Variants in PTPN2 observed in about 807,000 individuals in gnomAD.
PTPN2 encodes tyrosine-protein phosphatase non-receptor type 2.
Under a neutral mutation model 57.3 loss-of-function variants are expected in PTPN2, and 19 were observed. That is an observed-to-expected ratio of 0.33 (90% CI 0.23 to 0.49). PTPN2 has a LOEUF of 0.49. Ranked by LOEUF, PTPN2 falls within the 20% of genes least tolerant of loss-of-function variation. The pLI is 0.99. For missense variants in PTPN2, 358 were observed against 501.1 expected (o/e 0.71, Z 2.73); for synonymous variants, 153 against 164.9 (o/e 0.93, Z 0.55).
chr18:12,879,793 T>C (rs1047831023), intron 1 of PTPN2, among the ~76,000 whole-genome samples: 15 of 152,218 alleles, frequency 9.9e-5, no homozygotes, highest in African/African-American at 2.9e-4. Context: ...CAGCTTTTAG[T>C]TGTACTCAGT....
intron 1 of PTPN2, among the ~76,000 whole-genome samples, chr18:12,878,169 T>A (rs116832749): frequency 6.6e-6 from 1 of 151,578 alleles, no homozygotes; most frequent in Non-Finnish European, 1.5e-5. Flanking sequence ...AAACCCTGTC[T>A]CTACAAAAAA....
At chr18:12,834,421 G>A (rs899728976) in intron 3 of PTPN2, among the ~76,000 whole-genome samples, 5 of 151,816 alleles carry the variant, frequency 3.3e-5, no homozygotes, top group African/African-American at 1.2e-4. Context: ...ACAGAGGGTT[G>A]TCCTAAGGTT....
At chr18:12,819,240 T>A in intron 5 of PTPN2, 1 of 1,457,600 alleles carries the variant, frequency 6.9e-7, no homozygotes, top group Middle Eastern at 1.7e-4. Context: ...ACATCCAGCA[T>A]TAATAATTTC....
chr18:12,819,989 C>G (rs985039232), intron 5 of PTPN2, among the ~76,000 whole-genome samples: 3 of 152,214 alleles, frequency 2.0e-5, no homozygotes, highest in African/African-American at 7.2e-5. Context: ...CTGCAGTGCT[C>G]TGTGGGCTAC....
intron 1 of PTPN2, among the ~76,000 whole-genome samples, chr18:12,877,913 C>T (rs1164089910): frequency 1.3e-5 from 2 of 151,788 alleles, no homozygotes; most frequent in Non-Finnish European, 2.9e-5. Flanking sequence ...GCCTGTAGTC[C>T]CAGCTACTCA....
rs2042115825 is a variant in PTPN2 at position 12,817,437 on chromosome 18, T to TGAA, written c.496-73_496-72insTTC. The TGAA allele has an allele frequency of 3.4e-6, 4 of 1,163,226 alleles. 1 individual carries two copies. Among genetic ancestry groups the TGAA allele is most frequent in the Admixed American group, 2.0e-5 (1 of 49,424 alleles). The allele number at this position is 1,163,226 out of a possible 1,614,324, so 72.1% of individuals were successfully genotyped here. On this transcript the variant is annotated intron_variant, in intron 5 of 8. Transcript: ENST00000309660. Reference sequence around the variant, plus strand: ...TTAAAAAACTACTTCAGAAAGATCATGTGTTTTATATAATTCTTTAAAGCC... The same window carrying TGAA: ...TTAAAAAACTACTTCAGAAAGATCATGAAGTGTTTTATATAATTCTTTAAAGCC...
chr18:12,832,410 C>G (rs1371336200), intron 3 of PTPN2, among the ~76,000 whole-genome samples: 1 of 152,106 alleles, frequency 6.6e-6, no homozygotes, highest in African/African-American at 2.4e-5. Context: ...AGCCATGGTG[C>G]CCAGCTGACT....
intron 4 of PTPN2, among the ~76,000 whole-genome samples, chr18:12,830,396 G>T (rs1297769622): frequency 2.0e-5 from 3 of 152,172 alleles, no homozygotes; most frequent in Non-Finnish European, 2.9e-5. Flanking sequence ...GCCTCCCAAA[G>T]TGCTGGGATT....
In PTPN2 at chr18:12,833,030, C is replaced by G. The variant is rs567579514; in HGVS notation, c.262-1989G>C. Reference sequence around the variant, plus strand: ...TCTCAAACTCCTGACCTCAGGTGATCTGCCTGCCTCAGCCTCCCCAAGTGC... The same window carrying G: ...TCTCAAACTCCTGACCTCAGGTGATGTGCCTGCCTCAGCCTCCCCAAGTGC... On this transcript the variant is annotated intron_variant, in intron 3 of 8. Coordinates refer to ENST00000309660, the MANE Select transcript of PTPN2 (RefSeq NM_002828.4). Among the ~76,000 whole-genome samples the G allele has an allele frequency of 2.6e-5, 4 of 152,364 alleles. No homozygotes were observed. In the East Asian group the frequency reaches 7.7e-4, roughly 29 times the overall value.
At chr18:12,834,016 G>A (rs887325696) in intron 3 of PTPN2, among the ~76,000 whole-genome samples, 3 of 152,012 alleles carry the variant, frequency 2.0e-5, no homozygotes, top group East Asian at 1.9e-4. Flanking sequence ...CACACACAGC[G>A]ACAAGAAGTT....
At chr18:12,827,423 T>TTGC (rs2042514947) in intron 4 of PTPN2, among the ~76,000 whole-genome samples, 1 of 151,724 alleles carries the variant, frequency 6.6e-6, no homozygotes, top group Admixed American at 6.6e-5. Context: ...AGACAGTGTC[T>TTGC]TGCTCTGTAG....
chr18:12,820,082 C>A (rs1318248485), intron 5 of PTPN2, among the ~76,000 whole-genome samples: 1 of 152,152 alleles, frequency 6.6e-6, no homozygotes, highest in Non-Finnish European at 1.5e-5. Context: ...CAATCTTGGG[C>A]AACAGCTTGC....
At chr18:12,870,439 GTGTATATATA>G (rs1374116139) in intron 1 of PTPN2, among the ~76,000 whole-genome samples, 848 of 30,220 alleles carry the variant, frequency 0.028, 81 homozygotes, top group Middle Eastern at 0.058. Context: ...ATATATATAT[GTGTATATATA>G]TATATATATA....
chr18:12,797,068 A>G (rs775297752), intron 8 of PTPN2, among the ~76,000 whole-genome samples: 10 of 152,058 alleles, frequency 6.6e-5, no homozygotes, highest in African/African-American at 9.7e-5. Context: ...AAAAATTCTT[A>G]CTCAGAATTC....
chr18:12,852,767 G>T (rs2043442198), intron 2 of PTPN2, among the ~76,000 whole-genome samples: 1 of 152,212 alleles, frequency 6.6e-6, no homozygotes, highest in African/African-American at 2.4e-5. Context: ...GTCAGTCTGA[G>T]GAGTGGTGCC....
intron 2 of PTPN2, among the ~76,000 whole-genome samples, chr18:12,844,621 C>T (rs901719395): frequency 6.6e-6 from 1 of 152,066 alleles, no homozygotes; most frequent in Non-Finnish European, 1.5e-5. Flanking sequence ...TTTACTGTTA[C>T]ATTTTGAGAG....
chr18:12,839,855 C>G (rs757452155), intron 2 of PTPN2, among the ~76,000 whole-genome samples: 5 of 152,106 alleles, frequency 3.3e-5, no homozygotes, highest in Non-Finnish European at 7.4e-5. Flanking sequence ...AGAAACAGCT[C>G]CACCTCTCAA....
At chr18:12,801,391 T>C (rs775197619) in intron 8 of PTPN2, among the ~76,000 whole-genome samples, 2 of 151,794 alleles carry the variant, frequency 1.3e-5, no homozygotes, top group African/African-American at 2.4e-5. Flanking sequence ...TGGGCGCCTG[T>C]AATCCCAGCT....
intron 6 of PTPN2, among the ~76,000 whole-genome samples, chr18:12,815,561 C>T (rs1209990775): frequency 1.3e-5 from 2 of 152,078 alleles, no homozygotes; most frequent in Non-Finnish European, 2.9e-5. Context: ...CACACCCAGG[C>T]TCACCAAAAA....
Sources: allele counts gnomAD v4.1 joint callset (sites outside exome capture counted in the v4.1 genomes callset), GRCh38; gene constraint gnomAD v4.1.1; transcripts MANE v1.5; gene names NCBI Gene and HGNC (gene_info 2026-07-23, HGNC 2026-07-21).